Variants in OR5H2 observed in about 807,000 individuals in gnomAD.
OR5H2 encodes the protein olfactory receptor family 5 subfamily H member 2, also known as olfactory receptor 5H2.
For missense variants in OR5H2, 391 were observed against 364.4 expected (o/e 1.07, Z -0.59); for synonymous variants, 132 against 126.8 (o/e 1.04, Z -0.27).
rs1040099202 is a variant in OR5H2, at chr3:98,282,784, G to A, written c.-119G>A. ...AGGAATATGAAAGAAAATTAAAAGG[G>A]TATTGTAATAAGAGTATGTTTTTCT... is the stretch of plus-strand genomic sequence containing the variant. On this transcript the variant is annotated 5_prime_UTR_variant, in exon 1 of 1. Transcript: ENST00000355273. 1 of 809,278 alleles carries A rather than the reference G, an allele frequency of 1.2e-6. No individual in the cohort carries two copies. Among genetic ancestry groups the A allele is most frequent in the Non-Finnish European group, 2.0e-6 (1 of 498,582 alleles). The allele number at this position is 809,278 out of a possible 1,614,324, so 50.1% of individuals were successfully genotyped here.
rs1216696707 is a variant in OR5H2, at chr3:98,283,821, A to G, written c.919A>G (p.Arg307Gly). ...VIDSFTKMVK[R>G]NV ...AGATTCATTCACAAAAATGGTAAAA[A>G]GAAATGTTTAGATTTCATAGTGATA... The change falls in exon 1 of 1, where the codon AGA becomes GGA. Residue 307 changes from arginine to glycine, a missense_variant. Physicochemically the swap from Arg to Gly is moderately radical, Grantham distance 125. Transcript: ENST00000355273. The G allele has an allele frequency of 6.6e-7, 1 of 1,509,858 alleles. No individual in the cohort carries two copies. Among genetic ancestry groups the G allele is most frequent in the South Asian group, 1.2e-5 (1 of 81,712 alleles). The allele number at this position is 1,509,858 out of a possible 1,614,324, so 93.5% of individuals were successfully genotyped here. A position where few individuals can be genotyped will look rare whatever the true frequency, so the allele number is the denominator to read the frequency against.
rs1218079522 is a variant in OR5H2, at chr3:98,282,624, C to G, written c.-279C>G. Among the ~76,000 whole-genome samples, 1 of 152,110 alleles carries G rather than the reference C, an allele frequency of 6.6e-6. No homozygotes were observed. The highest frequency in any genetic ancestry group is 1.5e-5 in the Non-Finnish European group (1 of 68,018). On this transcript the variant is annotated 5_prime_UTR_variant, in exon 1 of 1. Transcript: ENST00000355273. ...TTCTAAATTTACAAATAGTGATTTT[C>G]TTAAGTTAACACACATTACATGCAT...
rs1706152140 is a variant in OR5H2, at chr3:98,283,103, C to A, written c.201C>A (p.Ala67=). 4 of 1,613,844 alleles carry A rather than the reference C, an allele frequency of 2.5e-6. No homozygotes were observed. Among genetic ancestry groups the A allele is most frequent in the Admixed American group, 1.7e-5 (1 of 59,982 alleles). The part of the protein sequence containing the change: ...IPMYFFLGSL[A]FVDAWISSTV... ...TGTACTTTTTTCTTGGGAGTTTAGC[C>A]TTTGTTGATGCTTGGATATCTTCCA... Residue 67 remains alanine, a synonymous_variant, in exon 1 of 1, where the codon GCC becomes GCA. Coordinates refer to ENST00000355273, the MANE Select transcript of OR5H2 (RefSeq NM_001005482.2).
chr3:98,283,784 T>C lies in OR5H2; in HGVS notation c.882T>C (p.Asn294=). 1.9e-6 allele frequency: 3 copies of C among 1,568,500 alleles called. No homozygotes were observed. Among genetic ancestry groups the C allele is most frequent in the Non-Finnish European group, 1.7e-6 (2 of 1,153,472 alleles). ...LLNPIIYSLR[N]KQVIDSFTKM... is the part of the protein sequence containing the mutation. ...ATCCCATTATCTACAGTCTGAGAAA[T>C]AAACAAGTAATAGATTCATTCACAA... is the stretch of plus-strand genomic sequence containing the variant. The change falls in exon 1 of 1, where the codon AAT becomes AAC. Residue 294 remains asparagine, a synonymous_variant. Transcript: ENST00000355273.
chr3:98,283,111 A>T lies in OR5H2; in HGVS notation c.209A>T (p.Asp70Val). ...TTTCTTGGGAGTTTAGCCTTTGTTG[A>T]TGCTTGGATATCTTCCACAGTAACT... ...YFFLGSLAFVDAWISSTVTPK... is the reference protein window; with the variant it reads ...YFFLGSLAFVVAWISSTVTPK... The change falls in exon 1 of 1, where the codon GAT becomes GTT. Residue 70 changes from aspartate to valine, a missense_variant. Asp to Val is a radical substitution (Grantham distance 152). Transcript: ENST00000355273. 6.2e-7 allele frequency: 1 copy of T among 1,614,000 alleles called. No homozygotes were observed. The highest frequency in any genetic ancestry group is 1.1e-5 in the South Asian group (1 of 91,080).
rs901592024 is a variant in OR5H2, at chr3:98,282,790, T to C, written c.-113T>C. On this transcript the variant is annotated 5_prime_UTR_variant, in exon 1 of 1. Transcript: ENST00000355273. Reference sequence around the variant, plus strand: ...ATGAAAGAAAATTAAAAGGGTATTGTAATAAGAGTATGTTTTTCTATCAAC... The same window carrying C: ...ATGAAAGAAAATTAAAAGGGTATTGCAATAAGAGTATGTTTTTCTATCAAC... 1.1e-6 allele frequency: 1 copy of C among 870,148 alleles called. No individual in the cohort carries two copies. The highest frequency in any genetic ancestry group is 1.7e-5 in the African/African-American group (1 of 58,910). The allele number at this position is 870,148 out of a possible 1,614,324, so 53.9% of individuals were successfully genotyped here.
At position 98,283,944 on chromosome 3, in the gene OR5H2, CTT is replaced by C. The variant is rs1706170437; in HGVS notation, c.*113_*114del. 1.8e-5 allele frequency: 11 copies of C among 611,582 alleles called. No homozygotes were observed. The South Asian group carries it at 2.7e-4, about 15-fold the overall frequency. The allele number at this position is 611,582 out of a possible 1,614,324, so 37.9% of individuals were successfully genotyped here. A position where few individuals can be genotyped will look rare whatever the true frequency, so the allele number is the denominator to read the frequency against. ...TATAATTGTTTTAGCATTTTAATGA[CTT>C]AGGGTTTTATACCTAATAAACTCCT... On this transcript the variant is annotated 3_prime_UTR_variant, in exon 1 of 1. Transcript: ENST00000355273.
In OR5H2 at chr3:98,283,058, C is replaced by G; in HGVS notation, c.156C>G (p.Asp52Glu). The change falls in exon 1 of 1, where the codon GAC (aspartate) becomes GAG (glutamate). Residue 52 changes from aspartate to glutamate, a missense_variant. Physicochemically the swap from Asp to Glu is conservative, Grantham distance 45 (BLOSUM62 2). Transcript: ENST00000355273. ...NLGLIALIWNDPQLHIPMYFF... is the reference protein window; with the variant it reads ...NLGLIALIWNEPQLHIPMYFF... ...GTCTGATTGCTCTTATCTGGAATGA[C>G]CCACAACTTCACATCCCCATGTACT... 6.2e-7 allele frequency: 1 copy of G among 1,614,006 alleles called. No homozygotes were observed.
Position 98,283,613 on chromosome 3 carries a change from C to T in OR5H2, c.711C>T (p.Ala237=). The change falls in exon 1 of 1, where the codon GCC becomes GCT. Residue 237 remains alanine (A), a synonymous_variant. Coordinates refer to ENST00000355273, the MANE Select transcript of OR5H2 (RefSeq NM_001005482.2). ...AGTCTGTTAGAGGCGTAAGGAAAGC[C>T]TTTTCCACCTGTGGAGCCCATCTCT... ...KKKSVRGVRK[A]FSTCGAHLLS... The T allele has an allele frequency of 1.2e-6, 2 of 1,613,558 alleles. No homozygotes were observed. The highest frequency in any genetic ancestry group is 8.5e-7 in the Non-Finnish European group (1 of 1,179,828).
Position 98,283,910 on chromosome 3 carries a change from T to C in OR5H2, c.*78T>C. The stretch of plus-strand genomic sequence containing the variant: ...AGGTGTTTTGCTAAGTGTTCAAAGT[T>C]ATTGTAAATATAATTGTTTTAGCAT... On this transcript the variant is annotated 3_prime_UTR_variant, in exon 1 of 1. Transcript: ENST00000355273. 1 of 730,848 alleles carries C rather than the reference T, an allele frequency of 1.4e-6. No individual in the cohort carries two copies. The highest frequency in any genetic ancestry group is 2.1e-6 in the Non-Finnish European group (1 of 468,282). The allele number at this position is 730,848 out of a possible 1,614,324, so 45.3% of individuals were successfully genotyped here.
rs1352222182 is a variant in OR5H2 at position 98,283,050 on chromosome 3, T to A, written c.148T>A (p.Trp50Arg). The A allele has an allele frequency of 1.2e-6, 2 of 1,613,976 alleles. No individual in the cohort carries two copies. The highest frequency in any genetic ancestry group is 1.7e-6 in the Non-Finnish European group (2 of 1,179,966). The change falls in exon 1 of 1, where the codon TGG becomes AGG. Residue 50 changes from tryptophan to arginine, a missense_variant. Transcript: ENST00000355273. Reference protein sequence around the residue: ...VWNLGLIALIWNDPQLHIPMY... With the variant: ...VWNLGLIALIRNDPQLHIPMY... ...GAACCTTGGTCTGATTGCTCTTATC[T>A]GGAATGACCCACAACTTCACATCCC...
In OR5H2 at chr3:98,283,957, A is replaced by T. The variant is rs1294227669; in HGVS notation, c.*125A>T. On this transcript the variant is annotated 3_prime_UTR_variant, in exon 1 of 1. Coordinates refer to ENST00000355273, the MANE Select transcript of OR5H2 (RefSeq NM_001005482.2). The stretch of plus-strand genomic sequence containing the variant: ...GCATTTTAATGACTTAGGGTTTTAT[A>T]CCTAATAAACTCCTTAAAATATTTA... The T allele has an allele frequency of 1.9e-6, 1 of 537,310 alleles. No homozygotes were observed. Among genetic ancestry groups the T allele is most frequent in the East Asian group, 3.3e-5 (1 of 30,498 alleles). The allele number at this position is 537,310 out of a possible 1,614,324, so 33.3% of individuals were successfully genotyped here.
In OR5H2 at chr3:98,282,644, A is replaced by G. The variant is rs1706143256; in HGVS notation, c.-259A>G. On this transcript the variant is annotated 5_prime_UTR_variant, in exon 1 of 1. It removes an upstream start codon present in the reference 5' UTR. Coordinates refer to ENST00000355273, the MANE Select transcript of OR5H2 (RefSeq NM_001005482.2). ...ATTTTCTTAAGTTAACACACATTACATGCATTTCTATCATCTGCATTTTAA... is the reference window on the plus strand; with the variant it reads ...ATTTTCTTAAGTTAACACACATTACGTGCATTTCTATCATCTGCATTTTAA... Among the ~76,000 whole-genome samples the G allele has an allele frequency of 6.6e-6, 1 of 152,186 alleles. No homozygotes were observed. Among genetic ancestry groups the G allele is most frequent in the Non-Finnish European group, 1.5e-5 (1 of 68,028 alleles).
At position 98,283,580 on chromosome 3, in the gene OR5H2, A is replaced by G; in HGVS notation, c.678A>G (p.Leu226=). ...ACACATTTGCTCTTTTCACAATCCT[A>G]AAAAAGAAGTCTGTTAGAGGCGTAA... The part of the protein sequence containing the change: ...NSYTFALFTI[L]KKKSVRGVRK... The change falls in exon 1 of 1, where the codon CTA becomes CTG. Residue 226 remains leucine, a synonymous_variant. Coordinates refer to ENST00000355273, the MANE Select transcript of OR5H2 (RefSeq NM_001005482.2). 1 of 1,613,348 alleles carries G rather than the reference A, an allele frequency of 6.2e-7. No homozygotes were observed. The highest frequency in any genetic ancestry group is 8.5e-7 in the Non-Finnish European group (1 of 1,179,754).
At position 98,283,665 on chromosome 3, in the gene OR5H2, C is replaced by T; in HGVS notation, c.763C>T (p.Leu255Phe). ...LLSVSLYYGP[L>F]IFMYLRPASP... ...ATCTGTCTCTTTATATTATGGCCCA[C>T]TTATCTTCATGTATTTGCGCCCTGC... is the stretch of plus-strand genomic sequence containing the variant. Residue 255 changes from leucine to phenylalanine, a missense_variant, in exon 1 of 1, where the codon CTT becomes TTT. Coordinates refer to ENST00000355273, the MANE Select transcript of OR5H2 (RefSeq NM_001005482.2). 1.2e-6 allele frequency: 2 copies of T among 1,613,362 alleles called. No individual in the cohort carries two copies. The highest frequency in any genetic ancestry group is 1.7e-6 in the Non-Finnish European group (2 of 1,179,794).
Position 98,283,603 on chromosome 3 carries a change from T to G in OR5H2, c.701T>G (p.Val234Gly), listed in dbSNP as rs1706162020. Residue 234 changes from valine to glycine, a missense_variant, in exon 1 of 1, where the codon GTA becomes GGA. By Grantham distance (109) the Val-to-Gly change is moderately radical. Coordinates refer to ENST00000355273, the MANE Select transcript of OR5H2 (RefSeq NM_001005482.2). ...TILKKKSVRGVRKAFSTCGAH... is the reference protein window; with the variant it reads ...TILKKKSVRGGRKAFSTCGAH... ...CTAAAAAAGAAGTCTGTTAGAGGCG[T>G]AAGGAAAGCCTTTTCCACCTGTGGA... The G allele has an allele frequency of 6.2e-6, 10 of 1,613,680 alleles. No individual in the cohort carries two copies. Among genetic ancestry groups the G allele is most frequent in the South Asian group, 2.2e-5 (2 of 91,048 alleles).
chr3:98,283,886 G>T lies in OR5H2; in HGVS notation c.*54G>T. 9.9e-7 allele frequency: 1 copy of T among 1,014,938 alleles called. No homozygotes were observed. The highest frequency in any genetic ancestry group is 1.7e-5 in the African/African-American group (1 of 60,402). 62.9% of individuals were successfully genotyped at this position (1,014,938 alleles called of 1,614,324 possible). ...TAAAAAGAATTTTGCAGTTAGATAA[G>T]GTGTTTTGCTAAGTGTTCAAAGTTA... On this transcript the variant is annotated 3_prime_UTR_variant, in exon 1 of 1. Transcript: ENST00000355273.
At position 98,282,742 on chromosome 3, in the gene OR5H2, C is replaced by G. The variant is rs1706144195; in HGVS notation, c.-161C>G. 1.7e-6 allele frequency: 1 copy of G among 587,126 alleles called. No individual in the cohort carries two copies. The highest frequency in any genetic ancestry group is 2.9e-6 in the Non-Finnish European group (1 of 340,516). The allele number at this position is 587,126 out of a possible 1,614,324, so 36.4% of individuals were successfully genotyped here. A position where few individuals can be genotyped will look rare whatever the true frequency, so the allele number is the denominator to read the frequency against. Reference sequence around the variant, plus strand: ...TTTTGATTTCTTATATTTCCCAAAACAGTTTCCATCTATTACAGGAATATG... The same window carrying G: ...TTTTGATTTCTTATATTTCCCAAAAGAGTTTCCATCTATTACAGGAATATG... On this transcript the variant is annotated 5_prime_UTR_variant, in exon 1 of 1. Coordinates refer to ENST00000355273, the MANE Select transcript of OR5H2 (RefSeq NM_001005482.2).
rs1304227524 is a variant in OR5H2, at chr3:98,283,027, A to G, written c.125A>G (p.Asn42Ser). Residue 42 changes from asparagine (N) to serine (S), a missense_variant, in exon 1 of 1, where the codon AAC (asparagine) becomes AGC (serine). By Grantham distance (46) the Asn-to-Ser change is conservative. Coordinates refer to ENST00000355273, the MANE Select transcript of OR5H2 (RefSeq NM_001005482.2). Reference sequence around the variant, plus strand: ...ATCTATCTCATCACTATTGTGTGGAACCTTGGTCTGATTGCTCTTATCTGG... The same window carrying G: ...ATCTATCTCATCACTATTGTGTGGAGCCTTGGTCTGATTGCTCTTATCTGG... Reference protein sequence around the residue: ...LVIYLITIVWNLGLIALIWND... With the variant: ...LVIYLITIVWSLGLIALIWND... The G allele has an allele frequency of 3.1e-6, 5 of 1,613,904 alleles. No individual in the cohort carries two copies. The African/African-American group carries it at 6.7e-5, about 22-fold the overall frequency.
Sources: gnomAD v4.1 joint callset for allele counts (sites outside exome capture counted in the v4.1 genomes callset) on GRCh38, gnomAD v4.1.1 for gene constraint, MANE v1.5 for transcripts, NCBI Gene and HGNC (gene_info 2026-07-23, HGNC 2026-07-21) for gene names.